BMPR2: variants seen among roughly 807,000 people sequenced by gnomAD.
BMPR2 encodes the protein bone morphogenetic protein receptor type 2.
A neutral mutation model predicts 100.8 loss-of-function variants in BMPR2; 29 were observed. The observed-to-expected ratio is 0.29, with a 90% CI of 0.21 to 0.39. The LOEUF is 0.39. Among genes scored for constraint, BMPR2 ranks in the 10% least tolerant of loss-of-function variants. BMPR2 has a pLI of 1.00. For synonymous variants in BMPR2, 382 were observed against 442.3 expected, an observed-to-expected ratio of 0.86 and a Z score of 1.71; for missense variants, 1,011 against 1,274.5, an observed-to-expected ratio of 0.79 and a Z score of 3.15.
Position 202,532,550 on chromosome 2 carries a change from TTC to T in BMPR2, c.1129-27_1129-26del. The T allele has an allele frequency of 2.5e-6, 4 of 1,608,300 alleles. No homozygotes were observed. In the South Asian group the frequency reaches 3.3e-5, roughly 13 times the overall value. ...TGTCTGTTCTTCAGAATATGCTACG[TTC>T]TCTCTCTAAAAAATATCACTCTAAT... On this transcript the variant is annotated intron_variant, in intron 8 of 12. Coordinates refer to ENST00000374580, the MANE Select transcript of BMPR2 (RefSeq NM_001204.7). This position sits in a 1 kb window ranked among gnomAD's most constrained non-coding sequence, Gnocchi z 4.1.
intron 1 of BMPR2, among the ~76,000 whole-genome samples, chr2:202,385,229 C>T (rs1690401845): frequency 6.6e-6 from 1 of 150,634 alleles, no homozygotes; most frequent in Non-Finnish European, 1.5e-5. Context: ...GTAGTAGACA[C>T]ACCAGGCTAA....
intron 3 of BMPR2, among the ~76,000 whole-genome samples, chr2:202,505,547 G>A (rs897609802): frequency 3.9e-5 from 6 of 151,946 alleles, no homozygotes; most frequent in Admixed American, 2.6e-4. Context: ...GTAACCACTT[G>A]CTTACTGGAT....
chr2:202,398,499 A>T (rs1225341718), intron 1 of BMPR2, among the ~76,000 whole-genome samples: 1 of 152,346 alleles, frequency 6.6e-6, no homozygotes, highest in East Asian at 1.9e-4. Context: ...AAGGGAGATA[A>T]CTTGGCCTAG....
intron 1 of BMPR2, among the ~76,000 whole-genome samples, chr2:202,460,574 T>C (rs893448290): frequency 3.3e-5 from 5 of 152,022 alleles, no homozygotes; most frequent in African/African-American, 1.2e-4. Context: ...ACAGACATTG[T>C]AGTACAAAAT....
chr2:202,505,893 A>T (rs977840564), intron 3 of BMPR2, among the ~76,000 whole-genome samples: 2 of 152,208 alleles, frequency 1.3e-5, no homozygotes, highest in African/African-American at 4.8e-5. Context: ...AATTATAGTT[A>T]AATTTTGAAG....
intron 1 of BMPR2, among the ~76,000 whole-genome samples, chr2:202,455,908 AC>A (rs1420303210): frequency 2.0e-5 from 3 of 151,128 alleles, no homozygotes; most frequent in Non-Finnish European, 4.4e-5. Context: ...TACTAAAAAT[AC>A]AAAAAATTAT....
intron 1 of BMPR2, among the ~76,000 whole-genome samples, chr2:202,457,515 TA>T (rs1210978819): frequency 1.3e-5 from 2 of 148,774 alleles, no homozygotes; most frequent in African/African-American, 4.9e-5. Context: ...AGCAATAATA[TA>T]AAGATATATT....
At chr2:202,458,389 G>T (rs1394860506) in intron 1 of BMPR2, among the ~76,000 whole-genome samples, 29 of 151,268 alleles carry the variant, frequency 1.9e-4, no homozygotes, top group Non-Finnish European at 4.0e-4. Context: ...AGGATCCCTT[G>T]AGCCTGAAAG....
chr2:202,395,019 G>A (rs1349266025), intron 1 of BMPR2, among the ~76,000 whole-genome samples: 1 of 151,264 alleles, frequency 6.6e-6, no homozygotes, highest in Non-Finnish European at 1.5e-5. Context: ...GAGTAGCTGG[G>A]ACTACAGGTG....
chr2:202,449,110 A>T (rs1574455141), intron 1 of BMPR2, among the ~76,000 whole-genome samples: 1 of 151,858 alleles, frequency 6.6e-6, no homozygotes, highest in Non-Finnish European at 1.5e-5. Flanking sequence ...GGAGTTCGAG[A>T]CCAGCCTGAC....
rs551845885 is a variant in BMPR2 at position 202,450,326 on chromosome 2, A to T, written c.77-14483A>T. Reference sequence around the variant, plus strand: ...GCAAAATGATAATTTAATCTGTTGTATTCTAGATACAGAAATATGTAAATT... The same window carrying T: ...GCAAAATGATAATTTAATCTGTTGTTTTCTAGATACAGAAATATGTAAATT... On this transcript the variant is annotated intron_variant, in intron 1 of 12. Coordinates refer to ENST00000374580, the MANE Select transcript of BMPR2 (RefSeq NM_001204.7). Among the ~76,000 whole-genome samples the T allele has an allele frequency of 3.8e-3, 580 of 152,332 alleles. 3 individuals are homozygous for T. Among genetic ancestry groups the T allele is most frequent in the Non-Finnish European group, 5.3e-3 (361 of 68,032 alleles).
chr2:202,495,880 A>C lies in BMPR2; in HGVS notation c.419-17839A>C, dbSNP rs1181630908. Among the ~76,000 whole-genome samples, 1 of 152,252 alleles carries C rather than the reference A, an allele frequency of 6.6e-6. No individual in the cohort carries two copies. Among genetic ancestry groups the C allele is most frequent in the Non-Finnish European group, 1.5e-5 (1 of 68,042 alleles). On this transcript the variant is annotated intron_variant, in intron 3 of 12. Coordinates refer to ENST00000374580, the MANE Select transcript of BMPR2 (RefSeq NM_001204.7). The surrounding 1 kb of genome is among the most constrained non-coding windows in gnomAD (Gnocchi z 4.5). Reference sequence around the variant, plus strand: ...TTGAGAATAAAAGCAAAGAATGCTGAGCCTTCAAAAAACTGTATGAGAAGA... The same window carrying C: ...TTGAGAATAAAAGCAAAGAATGCTGCGCCTTCAAAAAACTGTATGAGAAGA...
intron 1 of BMPR2, among the ~76,000 whole-genome samples, chr2:202,443,905 C>T (rs1691797336): frequency 1.3e-5 from 2 of 150,166 alleles, no homozygotes. Context: ...TATGGAGGAG[C>T]CATATGTGCA....
chr2:202,414,199 T>G (rs1022629673), intron 1 of BMPR2, among the ~76,000 whole-genome samples: 1 of 152,220 alleles, frequency 6.6e-6, no homozygotes, highest in African/African-American at 2.4e-5. Flanking sequence ...TTATTACATT[T>G]GTTATAGTGA....
chr2:202,549,916 G>C (rs1428932089), intron 10 of BMPR2, among the ~76,000 whole-genome samples: 1 of 151,802 alleles, frequency 6.6e-6, no homozygotes, highest in East Asian at 1.9e-4. Flanking sequence ...TTTGGGGGTG[G>C]TGGAGGGAGT....
intron 9 of BMPR2, among the ~76,000 whole-genome samples, chr2:202,541,782 C>T (rs970890446): frequency 6.6e-6 from 1 of 152,092 alleles, no homozygotes; most frequent in African/African-American, 2.4e-5. Context: ...GACTTATCAA[C>T]AAATATTTGA....
intron 3 of BMPR2, among the ~76,000 whole-genome samples, chr2:202,484,591 T>A (rs1360753941): frequency 6.6e-6 from 1 of 151,120 alleles, no homozygotes; most frequent in Non-Finnish European, 1.5e-5. Flanking sequence ...GAGAATGGCG[T>A]GAACCTGGGA....
At chr2:202,457,657 T>C (rs1415999649) in intron 1 of BMPR2, among the ~76,000 whole-genome samples, 1 of 151,780 alleles carries the variant, frequency 6.6e-6, no homozygotes, top group Non-Finnish European at 1.5e-5. Context: ...CATACTTTCA[T>C]CTTTTTCCCC....
intron 1 of BMPR2, among the ~76,000 whole-genome samples, chr2:202,395,619 G>A (rs1690642378): frequency 6.6e-6 from 1 of 152,178 alleles, no homozygotes; most frequent in African/African-American, 2.4e-5. Flanking sequence ...AAGTCACTGT[G>A]GCTGAACAGG....
Sources: allele counts gnomAD v4.1 joint callset (sites outside exome capture counted in the v4.1 genomes callset), GRCh38; gene constraint gnomAD v4.1.1; non-coding constraint Gnocchi (gnomAD v3.1); transcripts MANE v1.5; gene names NCBI Gene and HGNC (gene_info 2026-07-23, HGNC 2026-07-21).